The following STOX2 variants were observed in gnomAD, a reference collection of about 807,000 sequenced individuals.
The protein encoded by STOX2 is storkhead box 2, also known as storkhead-box protein 2.
A neutral mutation model predicts 60.9 loss-of-function variants in STOX2; 28 were observed. The observed-to-expected ratio is 0.46, with a 90% CI of 0.34 to 0.63. The LOEUF is 0.63. Among genes scored for constraint, STOX2 ranks in the 30% least tolerant of loss-of-function variants. STOX2 has a pLI of 0.01. For missense variants in STOX2, 1,024 were observed against 1,187.7 expected, an observed-to-expected ratio of 0.86 and a Z score of 2.03; for synonymous variants, 472 against 463.9, an observed-to-expected ratio of 1.02 and a Z score of -0.22.
In STOX2 at chr4:184,011,195, C is replaced by A. The variant is rs1421840271; in HGVS notation, c.2357C>A (p.Ala786Glu). ...VSDDDDSEEGANKNTEEEKNR... is the reference protein window; with the variant it reads ...VSDDDDSEEGENKNTEEEKNR... ...GATGATGACGACTCTGAGGAAGGGG[C>A]AAACAAGAACACAGAGGAGGAGAAA... is the stretch of plus-strand genomic sequence containing the variant. Residue 786 changes from alanine to glutamate, a missense_variant, in exon 3 of 4, where the codon GCA becomes GAA. Physicochemically the swap from Ala to Glu is moderately radical, Grantham distance 107. Around this residue, in one of 3 missense-constraint regions of STOX2, gnomAD observed 922 missense variants for 1,058.3 expected, o/e 0.87. Coordinates refer to ENST00000308497, the MANE Select transcript of STOX2 (RefSeq NM_020225.3). The surrounding 1 kb of genome is among the most constrained non-coding windows in gnomAD (Gnocchi z 4.4). The A allele has an allele frequency of 6.3e-7, 1 of 1,598,828 alleles. No homozygotes were observed.
intron 3 of STOX2, 45 bp from the exon 4 acceptor site, chr4:184,017,043 AT>A (rs1734401882): frequency 2.7e-6 from 4 of 1,480,486 alleles, no homozygotes; most frequent in Non-Finnish European, 3.6e-6. Context: ...ATTTATAATT[AT>A]TTATGTTCCA....
At chr4:183,931,914 G>T (rs1250502552) in intron 1 of STOX2, among the ~76,000 whole-genome samples, 1 of 152,134 alleles carries the variant, frequency 6.6e-6, no homozygotes, top group Non-Finnish European at 1.5e-5. Flanking sequence ...ATAAAAATTT[G>T]CATTGTGGAA....
At chr4:183,959,374 G>A (rs1407539560) in intron 1 of STOX2, among the ~76,000 whole-genome samples, 1 of 152,148 alleles carries the variant, frequency 6.6e-6, no homozygotes, top group East Asian at 1.9e-4. Flanking sequence ...GGCAGCCATC[G>A]CCTTCGAAAC....
At chr4:183,804,571 C>T (rs907492932) in intron 1 of STOX2, among the ~76,000 whole-genome samples, 3 of 152,180 alleles carry the variant, frequency 2.0e-5, no homozygotes, top group Non-Finnish European at 4.4e-5. Context: ...GAAATGTGCA[C>T]TGGGTTGGGG....
chr4:183,842,126 A>T (rs1177868501), intron 1 of STOX2, among the ~76,000 whole-genome samples: 1 of 152,210 alleles, frequency 6.6e-6, no homozygotes. Context: ...AGTAGCTCTT[A>T]CCACCTTTCC....
At chr4:183,830,845 A>T (rs1231378563) in intron 1 of STOX2, among the ~76,000 whole-genome samples, 1 of 152,136 alleles carries the variant, frequency 6.6e-6, no homozygotes, top group African/African-American at 2.4e-5. Flanking sequence ...AAGACTGGGG[A>T]AGAATGCTGT....
Position 183,820,134 on chromosome 4 carries a change from G to A in STOX2, c.364+22079G>A, listed in dbSNP as rs1415704529. On this transcript the variant is annotated intron_variant, in intron 1 of 2. Coordinates refer to the STOX2 transcript ENST00000513034. ...GAGATGGGGTTTCACCATGTTGGCC[G>A]GGCTGGTCTCGAACTCCTGACCTCA... 6.6e-5 allele frequency among the ~76,000 whole-genome samples: 10 copies of A among 152,002 alleles called. No individual in the cohort carries two copies. The South Asian group carries it at 1.3e-3, about 19-fold the overall frequency.
At chr4:183,890,536 A>AGGAAGGAGAGAGGGAGGGAGGGGG (rs70959155) in intron 1 of STOX2, among the ~76,000 whole-genome samples, 1 of 122,572 alleles carries the variant, frequency 8.2e-6, no homozygotes, top group African/African-American at 3.0e-5. Flanking sequence ...AAAGGAGGGA[A>AGGAAGGAGAGAGGGAGGGAGGGGG]GGAAGGAGAG....
At chr4:183,811,376 G>A (rs370484790) in intron 1 of STOX2, among the ~76,000 whole-genome samples, 1 of 152,168 alleles carries the variant, frequency 6.6e-6, no homozygotes, top group Non-Finnish European at 1.5e-5. Context: ...CAGAACAAGC[G>A]GCTCCCTCAG....
chr4:183,846,924 T>C (rs1325794398), intron 1 of STOX2, among the ~76,000 whole-genome samples: 2 of 152,218 alleles, frequency 1.3e-5, no homozygotes, highest in African/African-American at 4.8e-5. Context: ...CACCTGCTTA[T>C]TGTGGTTGCT....
chr4:183,836,327 C>T lies in STOX2; in HGVS notation c.364+38272C>T, dbSNP rs933816013. ...GTCAATGGGTATGGTTGTGGTGTAG[C>T]GGGTTTCAGCAGCAACAGTGGTCTG... On this transcript the variant is annotated intron_variant, in intron 1 of 2. Coordinates refer to the STOX2 transcript ENST00000513034. The surrounding 1 kb of genome is among the most constrained non-coding windows in gnomAD (Gnocchi z 4.1). Among the ~76,000 whole-genome samples the T allele has an allele frequency of 1.3e-5, 2 of 152,138 alleles. No individual in the cohort carries two copies. The highest frequency in any genetic ancestry group is 4.8e-5 in the African/African-American group (2 of 41,430).
Position 183,894,170 on chromosome 4 carries a change from A to G in STOX2, c.364+96115A>G, listed in dbSNP as rs187052708. Reference sequence around the variant, plus strand: ...TGTCTCCAAAAAATAAAAAAAATTAAAAATATTAAAAATATCCTAATTGAA... The same window carrying G: ...TGTCTCCAAAAAATAAAAAAAATTAGAAATATTAAAAATATCCTAATTGAA... On this transcript the variant is annotated intron_variant, in intron 1 of 2. Coordinates refer to the STOX2 transcript ENST00000513034. 3.0e-3 allele frequency among the ~76,000 whole-genome samples: 451 copies of G among 152,346 alleles called. 2 individuals carry two copies. The highest frequency in any genetic ancestry group is 5.2e-3 in the Non-Finnish European group (356 of 68,024).
intron 1 of STOX2, among the ~76,000 whole-genome samples, chr4:183,862,794 C>T (rs1740478811): frequency 1.3e-5 from 2 of 152,196 alleles, no homozygotes; most frequent in Non-Finnish European, 2.9e-5. Context: ...GATCGCGCCC[C>T]ACCACCTCTC....
intron 1 of STOX2, among the ~76,000 whole-genome samples, chr4:183,861,781 A>G (rs560384341): frequency 5.2e-4 from 79 of 152,226 alleles, no homozygotes; most frequent in Middle Eastern, 3.4e-3. Context: ...TTTTTCCTAT[A>G]TTTATGATTA....
At position 184,010,717 on chromosome 4, in the gene STOX2, C is replaced by T; in HGVS notation, c.1879C>T (p.Leu627=). ...AAAGAATAAGGAGGACCATGACACTCTGACTTTGGCAGAAGGGGTGAAAAA... is the reference window on the plus strand; with the variant it reads ...AAAGAATAAGGAGGACCATGACACTTTGACTTTGGCAGAAGGGGTGAAAAA... ...LGKNKEDHDT[L]TLAEGVKKLS... Residue 627 remains leucine, a synonymous_variant, in exon 3 of 4, where the codon CTG becomes TTG. Coordinates refer to ENST00000308497, the MANE Select transcript of STOX2 (RefSeq NM_020225.3). This position sits in a 1 kb window ranked among gnomAD's most constrained non-coding sequence, Gnocchi z 4.5. 1 of 1,603,452 alleles carries T rather than the reference C, an allele frequency of 6.2e-7. No homozygotes were observed. Among genetic ancestry groups the T allele is most frequent in the Non-Finnish European group, 8.5e-7 (1 of 1,174,900 alleles).
intron 1 of STOX2, among the ~76,000 whole-genome samples, chr4:183,862,156 GTGTT>G (rs1197016364): frequency 7.2e-6 from 1 of 139,704 alleles, no homozygotes; most frequent in African/African-American, 2.6e-5. Context: ...ATAACGTTAA[GTGTT>G]TGTTGTTGTT....
chr4:183,859,239 C>G (rs1310124307), intron 1 of STOX2, among the ~76,000 whole-genome samples: 1 of 152,210 alleles, frequency 6.6e-6, no homozygotes, highest in Non-Finnish European at 1.5e-5. Flanking sequence ...TGTAGGGTGT[C>G]ACATGCTGCC....
At position 184,010,497 on chromosome 4, in the gene STOX2, G is replaced by C. The variant is rs1734101422; in HGVS notation, c.1659G>C (p.Glu553Asp). The C allele has an allele frequency of 6.2e-7, 1 of 1,613,728 alleles. No individual in the cohort carries two copies. The highest frequency in any genetic ancestry group is 8.5e-7 in the Non-Finnish European group (1 of 1,179,840). ...RAHISSTSYKEVCIPEIVSGS... is the reference protein window; with the variant it reads ...RAHISSTSYKDVCIPEIVSGS... Reference sequence around the variant, plus strand: ...ACATTTCGTCCACAAGCTATAAAGAGGTGTGTATTCCAGAGATAGTCAGTG... The same window carrying C: ...ACATTTCGTCCACAAGCTATAAAGACGTGTGTATTCCAGAGATAGTCAGTG... Residue 553 changes from glutamate to aspartate, a missense_variant, in exon 3 of 4, where the codon GAG (glutamate) becomes GAC (aspartate). Physicochemically the swap from Glu to Asp is conservative, Grantham distance 45. Coordinates refer to ENST00000308497, the MANE Select transcript of STOX2 (RefSeq NM_020225.3). The surrounding 1 kb of genome is among the most constrained non-coding windows in gnomAD (Gnocchi z 4.5).
In STOX2 at chr4:183,837,150, G is replaced by A. The variant is rs556776990; in HGVS notation, c.364+39095G>A. Among the ~76,000 whole-genome samples the A allele has an allele frequency of 1.8e-4, 28 of 152,300 alleles. 1 individual carries two copies. In the South Asian group the frequency reaches 5.8e-3, roughly 32 times the overall value. ...GGAATCCTTGGAGCTTTCTCGGGGA[G>A]TGGGGAAGAGCATCCCAGGCCATTC... On this transcript the variant is annotated intron_variant, in intron 1 of 2. Coordinates refer to the STOX2 transcript ENST00000513034.
Sources: allele counts gnomAD v4.1 joint callset (sites outside exome capture counted in the v4.1 genomes callset), GRCh38; gene constraint gnomAD v4.1.1; regional missense constraint gnomAD v4.1.1; non-coding constraint Gnocchi (gnomAD v3.1); transcripts MANE v1.5; gene names NCBI Gene and HGNC (gene_info 2026-07-23, HGNC 2026-07-21).